The following LURAP1 variants were observed in gnomAD, a reference collection of about 807,000 sequenced individuals.
LURAP1 encodes NF-kappa-B activator C1orf190.
Under a neutral mutation model 19.0 loss-of-function variants are expected in LURAP1, and 14 were observed. The ratio of observed to expected loss-of-function variants is 0.74; its 90% CI spans 0.49 to 1.15. The LOEUF (loss-of-function observed/expected upper bound fraction) is 1.15, where lower values mean the gene tolerates loss of function less well. Among genes scored for constraint, LURAP1 ranks in the 50% most tolerant of loss-of-function variants. The pLI is 0.00. For missense variants in LURAP1, 273 were observed against 309.1 expected (o/e 0.88, Z 0.87); for synonymous variants, 129 against 131.8 (o/e 0.98, Z 0.14).
At chr1:46,205,459 AT>A (rs1658681665) in intron 1 of LURAP1, among the ~76,000 whole-genome samples, 1 of 152,198 alleles carries the variant, frequency 6.6e-6, no homozygotes, top group Admixed American at 6.5e-5. Context: ...TAGTCTGAAC[AT>A]TTTATGTCAT....
At chr1:46,211,286 A>G (rs1301887280) in intron 1 of LURAP1, among the ~76,000 whole-genome samples, 1 of 152,164 alleles carries the variant, frequency 6.6e-6, no homozygotes, top group African/African-American at 2.4e-5. Context: ...ACCCACAATC[A>G]GATTAGAGTT....
chr1:46,208,068 C>A (rs530625991), intron 1 of LURAP1, among the ~76,000 whole-genome samples: 1 of 151,876 alleles, frequency 6.6e-6, no homozygotes, highest in South Asian at 2.1e-4. Context: ...CCACGTTGGC[C>A]AGGCTGGTCT....
At chr1:46,207,577 C>T (rs965350518) in intron 1 of LURAP1, among the ~76,000 whole-genome samples, 23 of 151,196 alleles carry the variant, frequency 1.5e-4, no homozygotes, top group Admixed American at 1.4e-3. Flanking sequence ...CTCGCTCTGT[C>T]GCCCAGGCTG....
At chr1:46,208,002 G>A (rs762589880) in intron 1 of LURAP1, among the ~76,000 whole-genome samples, 5 of 151,940 alleles carry the variant, frequency 3.3e-5, no homozygotes, top group Non-Finnish European at 2.9e-5. Context: ...TGAGTAGCTG[G>A]GATTACAGGC....
chr1:46,217,487 G>C (rs1659102437), intron 1 of LURAP1, among the ~76,000 whole-genome samples: 1 of 152,220 alleles, frequency 6.6e-6, no homozygotes, highest in South Asian at 2.1e-4. Flanking sequence ...TAAACACTGA[G>C]TAATTTTATT....
intron 1 of LURAP1, among the ~76,000 whole-genome samples, chr1:46,213,201 G>A (rs973669840): frequency 3.3e-5 from 5 of 151,042 alleles, no homozygotes; most frequent in South Asian, 2.1e-4. Context: ...CAAAACATAC[G>A]ATGTTTCGAT....
chr1:46,208,755 C>A (rs1333751147), intron 1 of LURAP1, among the ~76,000 whole-genome samples: 1 of 152,084 alleles, frequency 6.6e-6, no homozygotes, highest in African/African-American at 2.4e-5. Flanking sequence ...GCAGGAAAAT[C>A]GCTTGAACCC....
At chr1:46,210,710 T>C (rs1384298492) in intron 1 of LURAP1, among the ~76,000 whole-genome samples, 1 of 152,164 alleles carries the variant, frequency 6.6e-6, no homozygotes, top group Non-Finnish European at 1.5e-5. Context: ...ACTTCTGTGC[T>C]CTCCCTGGGT....
At chr1:46,218,644 C>T (rs373153942) in intron 1 of LURAP1, among the ~76,000 whole-genome samples, 6 of 152,180 alleles carry the variant, frequency 3.9e-5, no homozygotes, top group African/African-American at 1.4e-4. Context: ...GGCTCTTGAG[C>T]AGGGAGAGAC....
chr1:46,218,844 T>G (rs1485283292), intron 1 of LURAP1, among the ~76,000 whole-genome samples: 7 of 152,088 alleles, frequency 4.6e-5, no homozygotes, highest in Admixed American at 1.3e-4. Context: ...CCCCTCTCGG[T>G]GGCTGCTACC....
chr1:46,217,247 T>C (rs149720408), intron 1 of LURAP1, among the ~76,000 whole-genome samples: 60 of 152,266 alleles, frequency 3.9e-4, no homozygotes, highest in African/African-American at 9.4e-4. Flanking sequence ...CCTTAAGAGA[T>C]GCCTCTCAGA....
intron 1 of LURAP1, among the ~76,000 whole-genome samples, chr1:46,216,116 G>A (rs557460489): frequency 2.3e-5 from 3 of 131,428 alleles, no homozygotes; most frequent in Non-Finnish European, 3.1e-5. Flanking sequence ...GCGCGATCTC[G>A]GCTCACTGCA....
intron 1 of LURAP1, among the ~76,000 whole-genome samples, chr1:46,204,437 G>C (rs143873222): frequency 6.6e-6 from 1 of 152,334 alleles, no homozygotes; most frequent in African/African-American, 2.4e-5. Flanking sequence ...ATTTACACCT[G>C]CCACTACTTT....
Position 46,217,508 on chromosome 1 carries a change from A to G in LURAP1, c.199-2191A>G, listed in dbSNP as rs371773052. ...CTGAGTAATTTTATTGCCTATTAGG[A>G]GGATGGAAGATGGGAAGGGTATCTG... On this transcript the variant is annotated intron_variant, in intron 1 of 1. Coordinates refer to ENST00000371980, the MANE Select transcript of LURAP1 (RefSeq NM_001013615.3). Among the ~76,000 whole-genome samples the G allele has an allele frequency of 4.5e-4, 69 of 152,282 alleles. 2 individuals are homozygous for G. The highest frequency in any genetic ancestry group is 3.3e-3 in the East Asian group (17 of 5,190).
chr1:46,209,549 C>CTTTTTT (rs397745964), intron 1 of LURAP1, among the ~76,000 whole-genome samples: 1 of 127,548 alleles, frequency 7.8e-6, no homozygotes, highest in African/African-American at 3.0e-5. Context: ...TTTTTTTTTT[C>CTTTTTT]TTTTTTTTTT....
In LURAP1 at chr1:46,220,300, T is replaced by A; in HGVS notation, c.*80T>A. On this transcript the variant is annotated 3_prime_UTR_variant, in exon 2 of 2. Coordinates refer to ENST00000371980, the MANE Select transcript of LURAP1 (RefSeq NM_001013615.3). ...TCCCCCAAAATTGATTCTCCCTCAG[T>A]CTGAGACTAGGAAGAGGCTGCACTG... The A allele has an allele frequency of 7.0e-7, 1 of 1,425,428 alleles. No individual in the cohort carries two copies. The highest frequency in any genetic ancestry group is 9.4e-7 in the Non-Finnish European group (1 of 1,059,612). 88.3% of individuals were successfully genotyped at this position (1,425,428 alleles called of 1,614,324 possible). A position where few individuals can be genotyped will look rare whatever the true frequency, so the allele number is the denominator to read the frequency against.
At chr1:46,203,946 T>TC (rs1471046296) in intron 1 of LURAP1, among the ~76,000 whole-genome samples, 23 of 150,880 alleles carry the variant, frequency 1.5e-4, no homozygotes, top group African/African-American at 5.3e-4. Context: ...CAGCACAAAT[T>TC]CCCCCCGCCT....
Position 46,212,438 on chromosome 1 carries a change from G to A in LURAP1, c.199-7261G>A, listed in dbSNP as rs193080078. ...TGGGACTACAGGCGTACACTGCCAC[G>A]CCCAGCGAATTTTTTTGTATTTTTA... On this transcript the variant is annotated intron_variant, in intron 1 of 1. Coordinates refer to ENST00000371980, the MANE Select transcript of LURAP1 (RefSeq NM_001013615.3). Among the ~76,000 whole-genome samples the A allele has an allele frequency of 8.7e-3, 1,317 of 151,426 alleles. 13 individuals are homozygous for A. Among genetic ancestry groups the A allele is most frequent in the Non-Finnish European group, 0.014 (929 of 67,824 alleles).
intron 1 of LURAP1, among the ~76,000 whole-genome samples, chr1:46,216,043 C>CTTTTTTTTTT (rs141982741): frequency 3.6e-4 from 33 of 92,542 alleles, no homozygotes; most frequent in African/African-American, 5.2e-4. Flanking sequence ...TTTATTTTAT[C>CTTTTTTTTTT]TTTTTTTTTT....
Sources: gnomAD v4.1 joint callset for allele counts (sites outside exome capture counted in the v4.1 genomes callset) on GRCh38, gnomAD v4.1.1 for gene constraint, MANE v1.5 for transcripts, NCBI Gene and HGNC (gene_info 2026-07-23, HGNC 2026-07-21) for gene names.